NBAS: variants seen among roughly 807,000 people sequenced by gnomAD.
NBAS encodes NBAS subunit of NRZ tethering complex, also known as NAG/BC035112 fusion.
In NBAS, 219 loss-of-function variants were observed where a neutral mutation model predicts 302.5. That is an observed-to-expected ratio of 0.72 (90% CI 0.65 to 0.81). NBAS has a LOEUF of 0.81. Ranked by LOEUF, NBAS falls within the 30% of genes least tolerant of loss-of-function variation. NBAS has a pLI of 0.00. For missense variants in NBAS, 2,932 were observed against 2,841.6 expected (o/e 1.03, Z -0.72); for synonymous variants, 1,118 against 1,021.6 (o/e 1.09, Z -1.80).
intron 35 of NBAS, among the ~76,000 whole-genome samples, chr2:15,343,102 C>G (rs781500704): frequency 1.3e-5 from 2 of 151,982 alleles, no homozygotes; most frequent in Non-Finnish European, 2.9e-5. Context: ...GCATACCCTG[C>G]AAAGAAAAAA....
rs186127379 is a variant in NBAS, at chr2:15,446,842, A to G, written c.2339+14359T>C. The stretch of plus-strand genomic sequence containing the variant: ...AAACTATTTGAAGTTAGACTATTAT[A>G]AGTTAAAGAAGTCTACTATAAACCC... On this transcript the variant is annotated intron_variant, in intron 21 of 51. Transcript: ENST00000281513. Among the ~76,000 whole-genome samples the G allele has an allele frequency of 2.6e-5, 4 of 151,948 alleles. No homozygotes were observed. In the East Asian group the frequency reaches 7.7e-4, roughly 29 times the overall value.
At chr2:14,896,891 A>G in the NBAS span, among the ~76,000 whole-genome samples, 1 of 152,200 alleles carries the variant, frequency 6.6e-6, no homozygotes, top group Non-Finnish European at 1.5e-5. Flanking sequence ...AAAAATTTGC[A>G]TAACATTTGA....
At chr2:15,521,582 T>C (rs1662673916) in intron 9 of NBAS, among the ~76,000 whole-genome samples, 1 of 152,208 alleles carries the variant, frequency 6.6e-6, no homozygotes, top group Non-Finnish European at 1.5e-5. Context: ...TTTCTCTCTT[T>C]ATATGCTTTG....
chr2:15,009,446 T>G, the NBAS span, among the ~76,000 whole-genome samples: 5 of 151,828 alleles, frequency 3.3e-5, no homozygotes, highest in Non-Finnish European at 7.4e-5. Flanking sequence ...CTTGAACTAC[T>G]AAAAATACTA....
intron 24 of NBAS, among the ~76,000 whole-genome samples, chr2:15,416,081 A>G (rs1246899807): frequency 6.6e-6 from 1 of 150,490 alleles, no homozygotes; most frequent in East Asian, 2.0e-4. Context: ...GGCATACGCA[A>G]AAACAGAGAG....
the NBAS span, among the ~76,000 whole-genome samples, chr2:15,002,013 T>A: frequency 1.8e-3 from 269 of 152,288 alleles, no homozygotes; most frequent in Non-Finnish European, 2.7e-3. Context: ...TATAGCCCAG[T>A]GGTCTGTTTT....
intron 21 of NBAS, among the ~76,000 whole-genome samples, chr2:15,451,258 C>T (rs1187925933): frequency 6.6e-6 from 1 of 152,062 alleles, no homozygotes; most frequent in African/African-American, 2.4e-5. Context: ...TACTACATTG[C>T]CCAGCTAGTC....
chr2:14,944,353 A>G, the NBAS span, among the ~76,000 whole-genome samples: 1 of 151,854 alleles, frequency 6.6e-6, no homozygotes, highest in Non-Finnish European at 1.5e-5. Context: ...AATCCCTGCT[A>G]TGAATCCTGC....
chr2:15,165,972 G>GC (rs1664010227), downstream of NBAS, among the ~76,000 whole-genome samples: 2 of 151,700 alleles, frequency 1.3e-5, no homozygotes, highest in Admixed American at 6.6e-5. Flanking sequence ...GCCTCCAACG[G>GC]CCCCCCGGTC....
chr2:15,434,982 T>C (rs1677941157), intron 21 of NBAS, among the ~76,000 whole-genome samples: 1 of 152,166 alleles, frequency 6.6e-6, no homozygotes, highest in Non-Finnish European at 1.5e-5. Flanking sequence ...TTATTTCACA[T>C]TACATGAAGA....
chr2:15,158,208 C>A, the NBAS span, among the ~76,000 whole-genome samples: 7 of 152,180 alleles, frequency 4.6e-5, no homozygotes, highest in Non-Finnish European at 7.3e-5. Context: ...CCCTACAACT[C>A]ATAGCTCCAC....
chr2:15,383,818 G>A (rs777641522), intron 28 of NBAS, among the ~76,000 whole-genome samples: 6 of 152,086 alleles, frequency 3.9e-5, no homozygotes, highest in Non-Finnish European at 7.4e-5. Context: ...GACAAGAATC[G>A]CGGCTCACCA....
chr2:14,786,792 T>C, the NBAS span, among the ~76,000 whole-genome samples: 4 of 152,168 alleles, frequency 2.6e-5, no homozygotes, highest in Non-Finnish European at 5.9e-5. Flanking sequence ...AAAAAATGTA[T>C]ATTCTGTTGA....
chr2:14,832,991 A>G, the NBAS span, among the ~76,000 whole-genome samples: 1 of 152,310 alleles, frequency 6.6e-6, no homozygotes, highest in Non-Finnish European at 1.5e-5. Context: ...GGTATTCAGA[A>G]GGTTGCCCAA....
chr2:15,202,709 T>C (rs1427193827), intron 48 of NBAS, among the ~76,000 whole-genome samples: 1 of 152,056 alleles, frequency 6.6e-6, no homozygotes, highest in Non-Finnish European at 1.5e-5. Context: ...TGGGCTAATT[T>C]TGCATTTTTA....
At chr2:15,107,849 C>T in the NBAS span, among the ~76,000 whole-genome samples, 1 of 152,082 alleles carries the variant, frequency 6.6e-6, no homozygotes, top group Non-Finnish European at 1.5e-5. Context: ...CAACCCCATC[C>T]CCACTCCTGG....
At chr2:15,135,249 T>C in the NBAS span, among the ~76,000 whole-genome samples, 2 of 152,182 alleles carry the variant, frequency 1.3e-5, no homozygotes, top group Non-Finnish European at 2.9e-5. Context: ...GGGATGAGAC[T>C]TGGGTTTCAC....
chr2:14,975,350 C>T, the NBAS span, among the ~76,000 whole-genome samples: 1 of 152,172 alleles, frequency 6.6e-6, no homozygotes, highest in Admixed American at 6.5e-5. Flanking sequence ...GAAGTCACTG[C>T]CTCTTCCATC....
At chr2:14,991,141 C>G in the NBAS span, among the ~76,000 whole-genome samples, 2 of 152,028 alleles carry the variant, frequency 1.3e-5, no homozygotes, top group Non-Finnish European at 2.9e-5. Context: ...CATGGGAGAA[C>G]GTGGGGACAT....
Sources: allele counts gnomAD v4.1 joint callset (sites outside exome capture counted in the v4.1 genomes callset), GRCh38; gene constraint gnomAD v4.1.1; transcripts MANE v1.5; gene names NCBI Gene and HGNC (gene_info 2026-07-23, HGNC 2026-07-21).